NAALADL2: variants seen among roughly 807,000 people sequenced by gnomAD.
NAALADL2 encodes N-acetylated alpha-linked acidic dipeptidase like 2.
A neutral mutation model predicts 87.2 loss-of-function variants in NAALADL2; 76 were observed. The observed-to-expected ratio is 0.87, with a 90% CI of 0.72 to 1.05. NAALADL2 has a LOEUF of 1.05. Among genes scored for constraint, NAALADL2 ranks in the 50% least tolerant of loss-of-function variants. The pLI, the probability that NAALADL2 is intolerant of heterozygous loss-of-function variation, is 0.00. For synonymous variants in NAALADL2, 354 were observed against 331.0 expected, an observed-to-expected ratio of 1.07 and a Z score of -0.75; for missense variants, 1,089 against 945.8, an observed-to-expected ratio of 1.15 and a Z score of -1.99.
At chr3:175,144,719 T>A (rs1034536286) in intron 2 of NAALADL2, among the ~76,000 whole-genome samples, 1 of 151,944 alleles carries the variant, frequency 6.6e-6, no homozygotes, top group African/African-American at 2.4e-5. Context: ...ATTCTCTAAA[T>A]CCCTGATTTT....
intron 1 of NAALADL2, among the ~76,000 whole-genome samples, chr3:175,055,220 C>T (rs1171729513): frequency 1.3e-5 from 2 of 152,108 alleles, no homozygotes; most frequent in South Asian, 4.1e-4. Context: ...TCACTTTTTC[C>T]CATTCTCGCA....
intron 1 of NAALADL2, among the ~76,000 whole-genome samples, chr3:174,866,382 G>A (rs1727147219): frequency 6.6e-6 from 1 of 151,556 alleles, no homozygotes; most frequent in Non-Finnish European, 1.5e-5. Context: ...AAACATTTCT[G>A]CAGAAAAAAT....
chr3:175,488,964 G>A (rs1410205321), intron 9 of NAALADL2, among the ~76,000 whole-genome samples: 1 of 152,084 alleles, frequency 6.6e-6, no homozygotes, highest in African/African-American at 2.4e-5. Context: ...ATTTCCCTGT[G>A]GATGGCAGCC....
intron 10 of NAALADL2, among the ~76,000 whole-genome samples, chr3:175,585,792 C>T (rs981490665): frequency 2.0e-5 from 3 of 151,536 alleles, no homozygotes; most frequent in Admixed American, 6.6e-5. Context: ...GGTAATTGTC[C>T]GTGTAATGTA....
chr3:174,882,909 ATATG>A (rs1560320270), intron 1 of NAALADL2, among the ~76,000 whole-genome samples: 1 of 150,418 alleles, frequency 6.6e-6, no homozygotes, highest in East Asian at 2.0e-4. Flanking sequence ...ATGTGTATAT[ATATG>A]TTTGTATATA....
intron 9 of NAALADL2, among the ~76,000 whole-genome samples, chr3:175,532,108 G>T (rs761198520): frequency 9.9e-5 from 15 of 152,136 alleles, no homozygotes; most frequent in Non-Finnish European, 1.9e-4. Context: ...TATGCATTCT[G>T]GAACTGGGGA....
intron 1 of NAALADL2, among the ~76,000 whole-genome samples, chr3:175,053,687 A>G (rs900086270): frequency 6.6e-6 from 1 of 152,220 alleles, no homozygotes; most frequent in African/African-American, 2.4e-5. Flanking sequence ...TACATGTAAC[A>G]TGTGTGACAT....
chr3:174,610,610 A>T (rs1286594208), intron 2 of NAALADL2, among the ~76,000 whole-genome samples: 2 of 152,130 alleles, frequency 1.3e-5, no homozygotes, highest in Non-Finnish European at 1.5e-5. Flanking sequence ...TCAAAACCAC[A>T]ATGAGATACC....
chr3:174,519,580 T>C (rs147601871), intron 1 of NAALADL2, among the ~76,000 whole-genome samples: 4,737 of 151,914 alleles, frequency 0.031, 235 homozygotes, highest in African/African-American at 0.11. Flanking sequence ...ATCCACCCAT[T>C]TCGGCCTCTC....
At chr3:175,463,341 G>C in intron 6 of NAALADL2, 60 bp from the exon 7 acceptor site, 2 of 1,063,370 alleles carry the variant, frequency 1.9e-6, no homozygotes, top group Non-Finnish European at 2.7e-6. Flanking sequence ...TAAATTTTAA[G>C]GTTTAAAAAA....
chr3:174,694,048 A>G (rs950795161), intron 2 of NAALADL2, among the ~76,000 whole-genome samples: 2 of 152,110 alleles, frequency 1.3e-5, no homozygotes, highest in African/African-American at 2.4e-5. Context: ...AGTCTTACAT[A>G]CACCTCTGCA....
At chr3:175,584,807 A>G (rs577820952) in intron 10 of NAALADL2, among the ~76,000 whole-genome samples, 18 of 152,230 alleles carry the variant, frequency 1.2e-4, no homozygotes, top group Non-Finnish European at 1.8e-4. Flanking sequence ...GTACACATGT[A>G]TAGGGCACTT....
At chr3:174,885,936 T>A (rs1343121933) in intron 1 of NAALADL2, among the ~76,000 whole-genome samples, 1 of 122,678 alleles carries the variant, frequency 8.2e-6, no homozygotes, top group African/African-American at 3.0e-5. Context: ...TTTTTTTAGA[T>A]GGAGTCTCCC....
chr3:175,740,024 T>C (rs1156847722), intron 12 of NAALADL2, among the ~76,000 whole-genome samples: 2 of 152,112 alleles, frequency 1.3e-5, no homozygotes, highest in Admixed American at 6.6e-5. Flanking sequence ...GGATTACATG[T>C]AGAGGACAGA....
At chr3:175,230,101 G>C (rs1242199902) in intron 2 of NAALADL2, among the ~76,000 whole-genome samples, 2 of 151,814 alleles carry the variant, frequency 1.3e-5, no homozygotes, top group African/African-American at 4.8e-5. Context: ...AGGGGTACTA[G>C]GACTCATGTT....
chr3:174,537,342 T>C (rs932189760), intron 1 of NAALADL2, among the ~76,000 whole-genome samples: 3 of 152,206 alleles, frequency 2.0e-5, no homozygotes, highest in Non-Finnish European at 4.4e-5. Context: ...TAATTAATTA[T>C]AGATCATGCT....
chr3:174,967,315 T>C (rs1743015796), intron 1 of NAALADL2, among the ~76,000 whole-genome samples: 1 of 149,510 alleles, frequency 6.7e-6, no homozygotes, highest in Non-Finnish European at 1.5e-5. Context: ...AAAATTTAGA[T>C]AGTGCCATTA....
intron 1 of NAALADL2, among the ~76,000 whole-genome samples, chr3:174,939,618 T>C (rs1466640425): frequency 1.3e-5 from 2 of 152,124 alleles, no homozygotes; most frequent in East Asian, 3.9e-4. Context: ...ATTTTAATAA[T>C]AGTCATTCTT....
intron 1 of NAALADL2, among the ~76,000 whole-genome samples, chr3:174,472,122 C>T (rs1043093399): frequency 1.5e-4 from 23 of 152,172 alleles, no homozygotes; most frequent in African/African-American, 5.5e-4. Context: ...ATCTGTACTT[C>T]ATCAGAAAAT....
Sources: allele counts gnomAD v4.1 joint callset (sites outside exome capture counted in the v4.1 genomes callset), GRCh38; gene constraint gnomAD v4.1.1; transcripts MANE v1.5; gene names NCBI Gene and HGNC (gene_info 2026-07-23, HGNC 2026-07-21).